KIF4A: variants seen among roughly 807,000 people sequenced by gnomAD.
KIF4A encodes chromosome-associated kinesin KIF4A.
Under a neutral mutation model 105.9 loss-of-function variants are expected in KIF4A, and 7 were observed. The observed-to-expected ratio is 0.07, with a 90% CI of 0.04 to 0.12. The LOEUF is 0.12. KIF4A is among the 10% of genes least tolerant of loss of function. The probability of loss-of-function intolerance (pLI) is 1.00; values close to 1 mark genes in which losing one functional copy is unlikely to be tolerated. For synonymous variants in KIF4A, 281 were observed against 331.3 expected (o/e 0.85, Z 1.65); for missense variants, 558 against 929.2 (o/e 0.60, Z 5.19).
intron 14 of KIF4A, 63 bp from the exon 15 acceptor site, chrX:70,353,559 T>C (rs1002912613): frequency 5.0e-6 from 5 of 999,706 alleles, no homozygotes; most frequent in Non-Finnish European, 6.9e-6. Context: ...CTTGATGAAA[T>C]AGTGCCTAAG....
Position 70,384,719 on chromosome X carries a change from G to A in KIF4A, c.2035-1899G>A, listed in dbSNP as rs751378971. On this transcript the variant is annotated intron_variant, in intron 18 of 30. Coordinates refer to ENST00000374403, the MANE Select transcript of KIF4A (RefSeq NM_012310.5). ...AGCCTGGGCGACAGAGGGAGACTCC[G>A]TCTCAAAAAAAGATTTGTCTGCATA... is the stretch of plus-strand genomic sequence containing the variant. Among the ~76,000 whole-genome samples the A allele has an allele frequency of 1.3e-4, 14 of 111,039 alleles. No homozygotes were observed. The South Asian group carries it at 1.9e-3, about 15-fold the overall frequency.
In KIF4A at chrX:70,395,664, C is replaced by G; in HGVS notation, c.2233-7C>G. On this transcript the variant is annotated splice_region_variant and splice_polypyrimidine_tract_variant and intron_variant, in intron 20 of 30. Coordinates refer to ENST00000374403, the MANE Select transcript of KIF4A (RefSeq NM_012310.5). ...CCTAACACAGACATCACTGATTTCTCTTCCAGAATTGGCTTGGAAACGAAA... is the reference window on the plus strand; with the variant it reads ...CCTAACACAGACATCACTGATTTCTGTTCCAGAATTGGCTTGGAAACGAAA... 8.3e-7 allele frequency: 1 copy of G among 1,211,192 alleles called. No homozygotes were observed. The highest frequency in any genetic ancestry group is 1.1e-6 in the Non-Finnish European group (1 of 895,230).
intron 10 of KIF4A, among the ~76,000 whole-genome samples, chrX:70,336,200 G>A (rs2085949883): frequency 8.9e-6 from 1 of 111,768 alleles, no homozygotes; most frequent in African/African-American, 3.3e-5. Flanking sequence ...CTTTTTTGCA[G>A]GTGCATAGTA....
At chrX:70,387,151 C>T (rs1192828329) in intron 19 of KIF4A, 33 bp from the exon 20 acceptor site, 2 of 920,056 alleles carry the variant, frequency 2.2e-6, no homozygotes, top group South Asian at 2.3e-5. Flanking sequence ...TTTTACCATT[C>T]ATTCAACATT....
intron 15 of KIF4A, among the ~76,000 whole-genome samples, chrX:70,368,107 C>T (rs1602778793): frequency 8.9e-6 from 1 of 112,079 alleles, no homozygotes; most frequent in Non-Finnish European, 1.9e-5. Flanking sequence ...TCCATCAGGT[C>T]CTTGAAGGAC....
intron 7 of KIF4A, among the ~76,000 whole-genome samples, chrX:70,317,169 A>G (rs1410780430): frequency 1.8e-5 from 2 of 111,734 alleles, no homozygotes; most frequent in East Asian, 5.6e-4. Flanking sequence ...TAATGCTATG[A>G]ATATTCTTGT....
At chrX:70,371,083 C>T (rs2086129891) in intron 15 of KIF4A, among the ~76,000 whole-genome samples, 1 of 110,757 alleles carries the variant, frequency 9.0e-6, no homozygotes, top group Non-Finnish European at 1.9e-5. Flanking sequence ...TCTGCTTATT[C>T]GTGTCAGTCT....
At chrX:70,346,431 G>A (rs956951920) in intron 13 of KIF4A, among the ~76,000 whole-genome samples, 1 of 111,339 alleles carries the variant, frequency 9.0e-6, no homozygotes, top group Non-Finnish European at 1.9e-5. Flanking sequence ...AATCTTAGAG[G>A]ATTAATACCA....
chrX:70,298,988 C>T, intron 4 of KIF4A, 125 bp from the exon 5 acceptor site: 1 of 467,270 alleles, frequency 2.1e-6, no homozygotes, highest in Non-Finnish European at 3.5e-6. Flanking sequence ...AATACATGTT[C>T]ATTATGAACA....
Position 70,363,384 on chromosome X carries a change from T to TC in KIF4A, c.1674+9580dup, listed in dbSNP as rs1298692055. ...ACATTAGGTATATCTCCTAATGCTATCCCTCCCCCGTCCCCTGACCCCACA... is the reference window on the plus strand; with the variant it reads ...ACATTAGGTATATCTCCTAATGCTATCCCCTCCCCCGTCCCCTGACCCCACA... On this transcript the variant is annotated intron_variant, in intron 15 of 30. Coordinates refer to ENST00000374403, the MANE Select transcript of KIF4A (RefSeq NM_012310.5). Among the ~76,000 whole-genome samples, 3 of 110,907 alleles carry TC rather than the reference T, an allele frequency of 2.7e-5. No individual in the cohort carries two copies. In the East Asian group the frequency reaches 8.5e-4, roughly 31 times the overall value.
intron 23 of KIF4A, among the ~76,000 whole-genome samples, chrX:70,403,032 A>G (rs761843172): frequency 8.9e-6 from 1 of 111,965 alleles, no homozygotes; most frequent in Non-Finnish European, 1.9e-5. Flanking sequence ...TAAAACCCCT[A>G]TGAGATGTAT....
intron 3 of KIF4A, among the ~76,000 whole-genome samples, chrX:70,291,910 A>G (rs939950882): frequency 2.7e-5 from 3 of 111,705 alleles, no homozygotes; most frequent in Non-Finnish European, 5.6e-5. Context: ...CAGTGATGTT[A>G]GTTCATTCCT....
At chrX:70,297,802 A>T (rs1028472759) in intron 4 of KIF4A, among the ~76,000 whole-genome samples, 1 of 112,009 alleles carries the variant, frequency 8.9e-6, no homozygotes, top group Non-Finnish European at 1.9e-5. Context: ...TAGGGAACTG[A>T]TGGCTTCTGG....
chrX:70,375,155 G>A (rs1335902380), intron 16 of KIF4A, 49 bp from the exon 17 acceptor site: 8 of 1,191,192 alleles, frequency 6.7e-6, no homozygotes, highest in Non-Finnish European at 9.0e-6. Flanking sequence ...GTCTTTTGAA[G>A]TCAGGCTTTG....
intron 28 of KIF4A, among the ~76,000 whole-genome samples, chrX:70,408,370 G>A (rs2086308715): frequency 8.9e-6 from 1 of 111,801 alleles, no homozygotes; most frequent in Admixed American, 9.5e-5. Flanking sequence ...AACACACTAA[G>A]TTAAGGCTAC....
rs1261058008 is a variant in KIF4A at position 70,404,834 on chromosome X, A to G, written c.2898+12A>G. On this transcript the variant is annotated intron_variant, in intron 25 of 30. Transcript: ENST00000374403. Reference sequence around the variant, plus strand: ...CACTGAAGTGTCAGGTATGATCACGAGAGGTCTCCAGAGATGAGTTTCACA... The same window carrying G: ...CACTGAAGTGTCAGGTATGATCACGGGAGGTCTCCAGAGATGAGTTTCACA... 5 of 1,071,581 alleles carry G rather than the reference A, an allele frequency of 4.7e-6. No homozygotes were observed. The highest frequency in any genetic ancestry group is 5.2e-6 in the Non-Finnish European group (4 of 774,365). The allele number at this position is 1,071,581 out of a possible 1,213,427, so 88.3% of individuals were successfully genotyped here.
chrX:70,397,243 G>A (rs1036792946), intron 22 of KIF4A, among the ~76,000 whole-genome samples: 11 of 105,713 alleles, frequency 1.0e-4, no homozygotes, highest in African/African-American at 2.8e-4. Flanking sequence ...GGTGGCACGC[G>A]CCTGTAGTCC....
rs1313342941 is a variant in KIF4A at position 70,364,522 on chromosome X, G to C, written c.1675-9629G>C. ...AATCCTTTCCCCATTGCTTGTTTTT[G>C]TCAGGTTTGTCAAAGATCAGATAGT... On this transcript the variant is annotated intron_variant, in intron 15 of 30. Coordinates refer to ENST00000374403, the MANE Select transcript of KIF4A (RefSeq NM_012310.5). 1.7e-3 allele frequency among the ~76,000 whole-genome samples: 180 copies of C among 107,867 alleles called. 1 individual carries two copies. Among genetic ancestry groups the C allele is most frequent in the Middle Eastern group, 4.7e-3 (1 of 211 alleles). 93.7% of individuals were successfully genotyped at this position (107,867 alleles called of 115,157 possible).
intron 18 of KIF4A, among the ~76,000 whole-genome samples, chrX:70,376,981 C>T (rs1330554256): frequency 2.7e-5 from 3 of 111,255 alleles, no homozygotes; most frequent in Non-Finnish European, 3.8e-5. Context: ...CAACAGAGCC[C>T]CCAGAATATA....
Sources: allele counts gnomAD v4.1 joint callset (sites outside exome capture counted in the v4.1 genomes callset), GRCh38; gene constraint gnomAD v4.1.1; transcripts MANE v1.5; gene names NCBI Gene and HGNC (gene_info 2026-07-23, HGNC 2026-07-21).